The following KPNA7 variants were observed in gnomAD, a reference collection of about 807,000 sequenced individuals.
The protein encoded by KPNA7 is importin subunit alpha-8.
A neutral mutation model predicts 53.7 loss-of-function variants in KPNA7; 54 were observed. The ratio of observed to expected loss-of-function variants is 1.01; its 90% CI spans 0.81 to 1.26. The LOEUF (loss-of-function observed/expected upper bound fraction) is 1.26, where lower values mean the gene tolerates loss of function less well. KPNA7 is among the 50% of genes most tolerant of loss of function. The probability of loss-of-function intolerance (pLI) is 0.00; values close to 1 mark genes in which losing one functional copy is unlikely to be tolerated. For missense variants in KPNA7, 640 were observed against 644.5 expected, an observed-to-expected ratio of 0.99 and a Z score of 0.07; for synonymous variants, 276 against 259.3, an observed-to-expected ratio of 1.06 and a Z score of -0.62.
chr7:99,158,091 C>A, the KPNA7 span, among the ~76,000 whole-genome samples: 6 of 151,986 alleles, frequency 3.9e-5, no homozygotes, highest in Admixed American at 1.3e-4. Flanking sequence ...CCTTATGTTG[C>A]CCACGCTGGT....
chr7:99,216,774 C>T (rs1480998072), intron 1 of KPNA7, among the ~76,000 whole-genome samples: 2 of 152,208 alleles, frequency 1.3e-5, no homozygotes, highest in Non-Finnish European at 1.5e-5. Context: ...GTTGGCCAGG[C>T]TGGTCTCGAA....
At chr7:99,158,372 CTA>C in the KPNA7 span, among the ~76,000 whole-genome samples, 2 of 152,068 alleles carry the variant, frequency 1.3e-5, no homozygotes, top group Non-Finnish European at 2.9e-5. Context: ...TAGAACTCCT[CTA>C]TTCAGATTTC....
intron 1 of KPNA7, among the ~76,000 whole-genome samples, chr7:99,213,512 T>G (rs1791130533): frequency 1.4e-5 from 2 of 143,572 alleles, no homozygotes; most frequent in Non-Finnish European, 1.5e-5. Flanking sequence ...GGAGCAATCA[T>G]AACTCACTGC....
In KPNA7 at chr7:99,193,048, G is replaced by A. The variant is rs146752157; in HGVS notation, c.607C>T (p.Leu203Phe). 1.2e-4 allele frequency: 181 copies of A among 1,511,070 alleles called. No homozygotes were observed. The East Asian group carries it at 3.6e-3, about 30-fold the overall frequency. The allele number at this position is 1,511,070 out of a possible 1,614,324, so 93.6% of individuals were successfully genotyped here. The change falls in exon 6 of 11, where the codon CTC (leucine) becomes TTC (phenylalanine). Residue 203 changes from leucine to phenylalanine, a missense_variant. Coordinates refer to ENST00000327442, the MANE Select transcript of KPNA7 (RefSeq NM_001145715.3). ...AGGGTGGGTGAAATCAAGGCTAGGA[G>A]ATGTGGGATGGCATTGCTTGTGATG... The part of the protein sequence containing the change: ...NVITSNAIPH[L>F]LALISPTLPI...
chr7:99,188,070 G>A (rs1789712540), intron 7 of KPNA7, among the ~76,000 whole-genome samples: 1 of 150,596 alleles, frequency 6.6e-6, no homozygotes, highest in Non-Finnish European at 1.5e-5. Flanking sequence ...AGCTACCCAG[G>A]AGGCTGAGAT....
chr7:99,185,490 G>A (rs981306043), intron 7 of KPNA7, among the ~76,000 whole-genome samples: 1 of 152,086 alleles, frequency 6.6e-6, no homozygotes, highest in Admixed American at 6.5e-5. Flanking sequence ...GGGACTATAC[G>A]GATGTGCCAC....
chr7:99,159,905 G>A, the KPNA7 span, among the ~76,000 whole-genome samples: 1 of 151,444 alleles, frequency 6.6e-6, no homozygotes, highest in Non-Finnish European at 1.5e-5. Context: ...TTTTTTAGTT[G>A]GAATTTATTA....
chr7:99,209,638 G>A (rs952649328), upstream of KPNA7, among the ~76,000 whole-genome samples: 5 of 119,908 alleles, frequency 4.2e-5, no homozygotes, highest in Non-Finnish European at 7.9e-5. Flanking sequence ...AGCCAAGATC[G>A]CACCACTACA....
At chr7:99,167,944 C>T in the KPNA7 span, among the ~76,000 whole-genome samples, 1 of 151,752 alleles carries the variant, frequency 6.6e-6, no homozygotes, top group Non-Finnish European at 1.5e-5. Flanking sequence ...ATAAAGTACA[C>T]AATAAGTGGA....
chr7:99,160,375 T>C, the KPNA7 span, among the ~76,000 whole-genome samples: 1 of 151,964 alleles, frequency 6.6e-6, no homozygotes, highest in Admixed American at 6.6e-5. Flanking sequence ...ATCTAGGGGT[T>C]TAATTGCAGC....
chr7:99,217,618 CCTTTTTTTT>C (rs1791247042), intron 1 of KPNA7, among the ~76,000 whole-genome samples: 2 of 99,002 alleles, frequency 2.0e-5, no homozygotes, highest in Non-Finnish European at 3.7e-5. Flanking sequence ...CTCCACCTTG[CCTTTTTTTT>C]TTTTTTTTTT....
chr7:99,162,172 G>A, the KPNA7 span, among the ~76,000 whole-genome samples: 1 of 151,092 alleles, frequency 6.6e-6, no homozygotes, highest in African/African-American at 2.4e-5. Context: ...TGCCTCCCGA[G>A]TAACTGGGAT....
chr7:99,193,179 G>A, intron 5 of KPNA7, 78 bp from the exon 6 acceptor site: 6 of 860,530 alleles, frequency 7.0e-6, no homozygotes, highest in Non-Finnish European at 1.7e-6. Flanking sequence ...TTTTAAGAGT[G>A]TGCAAAGGGC....
chr7:99,178,771 C>CAAAAAAAAAA (rs756807848), intron 9 of KPNA7, among the ~76,000 whole-genome samples: 3 of 27,708 alleles, frequency 1.1e-4, no homozygotes, highest in African/African-American at 3.8e-4. Flanking sequence ...ATCTTTGTCT[C>CAAAAAAAAAA]AAAAAAAAAA....
the KPNA7 span, among the ~76,000 whole-genome samples, chr7:99,163,381 ATATT>A: frequency 2.0e-4 from 12 of 58,868 alleles, no homozygotes; most frequent in African/African-American, 6.1e-4. Context: ...ATATATATAT[ATATT>A]TTTTTTTTTT....
At chr7:99,212,370 C>G (rs12705050), upstream of KPNA7, among the ~76,000 whole-genome samples, 3 of 150,560 alleles carry the variant, frequency 2.0e-5, no homozygotes, top group Non-Finnish European at 4.4e-5. Context: ...CAGCCTCCCA[C>G]GTAGCTGGGA....
At chr7:99,181,733 TG>T in intron 9 of KPNA7, 149 bp downstream of exon 9, 1 of 627,020 alleles carries the variant, frequency 1.6e-6, no homozygotes, top group Non-Finnish European at 2.6e-6. Flanking sequence ...GGTTTCACTA[TG>T]TTGGCCAGGC....
intron 9 of KPNA7, among the ~76,000 whole-genome samples, chr7:99,180,835 C>CT (rs1554461803): frequency 1.7e-5 from 1 of 59,832 alleles, no homozygotes; most frequent in African/African-American, 7.0e-5. Context: ...CTCTCCCCGT[C>CT]TGTCTCTCTC....
At chr7:99,207,547 C>T (rs547716462) in intron 1 of KPNA7, 58 bp from the exon 2 acceptor site, 14 of 714,998 alleles carry the variant, frequency 2.0e-5, no homozygotes, top group Non-Finnish European at 3.1e-5. Context: ...GTTATTATGT[C>T]AGTATCATAA....
Sources: allele counts gnomAD v4.1 joint callset (sites outside exome capture counted in the v4.1 genomes callset), GRCh38; gene constraint gnomAD v4.1.1; transcripts MANE v1.5; gene names NCBI Gene and HGNC (gene_info 2026-07-23, HGNC 2026-07-21).